CDH4: variants seen among roughly 807,000 people sequenced by gnomAD.
CDH4 encodes cadherin-4.
Under a neutral mutation model 86.0 loss-of-function variants are expected in CDH4, and 33 were observed. The observed-to-expected ratio is 0.38, with a 90% CI of 0.29 to 0.51. CDH4 has a LOEUF of 0.51. CDH4 is among the 20% of genes least tolerant of loss of function. CDH4 has a pLI of 0.86. For synonymous variants in CDH4, 555 were observed against 549.4 expected (o/e 1.01, Z -0.14); for missense variants, 1,114 against 1,307.4 (o/e 0.85, Z 2.28).
At chr20:61,783,249 C>A (rs1309255339) in intron 4 of CDH4, among the ~76,000 whole-genome samples, 1 of 152,238 alleles carries the variant, frequency 6.6e-6, no homozygotes, top group Non-Finnish European at 1.5e-5. Context: ...ACCCAACATT[C>A]TATCTGAACA....
chr20:61,500,781 C>T (rs1018035139), intron 2 of CDH4, among the ~76,000 whole-genome samples: 4 of 152,316 alleles, frequency 2.6e-5, no homozygotes, highest in East Asian at 1.9e-4. Context: ...ATATCGTTGG[C>T]GTGTCAAGTA....
intron 2 of CDH4, among the ~76,000 whole-genome samples, chr20:61,522,785 G>A (rs1468554861): frequency 6.6e-6 from 1 of 152,222 alleles, no homozygotes; most frequent in Non-Finnish European, 1.5e-5. Flanking sequence ...GTGCCGGTGT[G>A]GCCTTATTAT....
intron 4 of CDH4, among the ~76,000 whole-genome samples, chr20:61,808,335 G>T (rs1980247475): frequency 6.6e-6 from 1 of 151,608 alleles, no homozygotes; most frequent in South Asian, 2.1e-4. Flanking sequence ...AGCAACACCA[G>T]CTGCAAAAAT....
Position 61,736,986 on chromosome 20 carries a change from G to A in CDH4, c.170-6577G>A, listed in dbSNP as rs76871430. On this transcript the variant is annotated intron_variant, in intron 2 of 15. Transcript: ENST00000614565. ...CTGTGCTTTGCTCTACAGCTGCCAG[G>A]AGAAGGTCGAGGTGCAGGGGCTCGC... Among the ~76,000 whole-genome samples the A allele has an allele frequency of 9.9e-3, 1,514 of 152,300 alleles. 27 individuals carry two copies. The highest frequency in any genetic ancestry group is 0.035 in the African/African-American group (1,451 of 41,572).
chr20:61,315,107 C>T (rs1487781754), intron 2 of CDH4, among the ~76,000 whole-genome samples: 1 of 152,186 alleles, frequency 6.6e-6, no homozygotes, highest in Non-Finnish European at 1.5e-5. Context: ...CCATGCCAGA[C>T]TCCTCCTCCT....
chr20:61,552,619 G>A lies in CDH4; in HGVS notation c.170-190944G>A, dbSNP rs576041299. On this transcript the variant is annotated intron_variant, in intron 2 of 15. Coordinates refer to ENST00000614565, the MANE Select transcript of CDH4 (RefSeq NM_001794.5). The stretch of plus-strand genomic sequence containing the variant: ...GGAGGCTGAGGCAGGAGAATCACAT[G>A]AACATGGGAGGTGGAGGTTGCAGTG... Among the ~76,000 whole-genome samples, 13 of 152,282 alleles carry A rather than the reference G, an allele frequency of 8.5e-5. No individual in the cohort carries two copies. The East Asian group carries it at 2.3e-3, about 27-fold the overall frequency.
intron 2 of CDH4, among the ~76,000 whole-genome samples, chr20:61,624,948 T>C (rs1186371501): frequency 6.6e-6 from 1 of 152,222 alleles, no homozygotes; most frequent in Non-Finnish European, 1.5e-5. Flanking sequence ...AGCAGTTGAC[T>C]GGGGCCACAG....
rs1301771951 is a variant in CDH4 at position 61,393,752 on chromosome 20, A to T, written c.169+138815A>T. Among the ~76,000 whole-genome samples, 2 of 151,988 alleles carry T rather than the reference A, an allele frequency of 1.3e-5. No homozygotes were observed. Among genetic ancestry groups the T allele is most frequent in the African/African-American group, 4.8e-5 (2 of 41,364 alleles). On this transcript the variant is annotated intron_variant, in intron 2 of 15. Transcript: ENST00000614565. This position sits in a 1 kb window ranked among gnomAD's most constrained non-coding sequence, Gnocchi z 4.3. The stretch of plus-strand genomic sequence containing the variant: ...TGTAGCTGGCAGGGTTCTCATGAGG[A>T]TTACACGAGTCCTGGAGACCGTGCA...
At chr20:61,935,764 G>A (rs2055176062) in intron 15 of CDH4, among the ~76,000 whole-genome samples, 1 of 152,210 alleles carries the variant, frequency 6.6e-6, no homozygotes, top group African/African-American at 2.4e-5. Flanking sequence ...GCGGGCACCT[G>A]TAATCCCACT....
rs150440058 is a variant in CDH4, at chr20:61,621,652, G to C, written c.170-121911G>C. 2.6e-5 allele frequency among the ~76,000 whole-genome samples: 4 copies of C among 152,252 alleles called. No individual in the cohort carries two copies. In the East Asian group the frequency reaches 5.8e-4, roughly 22 times the overall value. On this transcript the variant is annotated intron_variant, in intron 2 of 15. Transcript: ENST00000614565. Reference sequence around the variant, plus strand: ...AGCTGCAGAGGGAAATATTATTCCAGAGCAAAGCACCCAACAGCTGGGCAT... The same window carrying C: ...AGCTGCAGAGGGAAATATTATTCCACAGCAAAGCACCCAACAGCTGGGCAT...
chr20:61,725,326 A>G (rs1220846676), intron 2 of CDH4, among the ~76,000 whole-genome samples: 3 of 152,198 alleles, frequency 2.0e-5, no homozygotes, highest in African/African-American at 7.2e-5. Context: ...CACACTGCAC[A>G]GTACACACGC....
intron 2 of CDH4, among the ~76,000 whole-genome samples, chr20:61,281,115 G>A (rs6071563): frequency 1.3e-5 from 2 of 152,004 alleles, no homozygotes; most frequent in African/African-American, 2.4e-5. Flanking sequence ...ACTGGAATTC[G>A]GGACAGCCCA....
intron 4 of CDH4, among the ~76,000 whole-genome samples, chr20:61,809,564 G>A (rs1161950967): frequency 6.6e-6 from 1 of 152,192 alleles, no homozygotes; most frequent in East Asian, 1.9e-4. Flanking sequence ...GTTCATGCTT[G>A]GAGGAGGGAA....
At chr20:61,630,697 T>C (rs924195914) in intron 2 of CDH4, among the ~76,000 whole-genome samples, 2 of 152,216 alleles carry the variant, frequency 1.3e-5, no homozygotes, top group African/African-American at 4.8e-5. Context: ...AAAGTTAGTG[T>C]TGGCAAGAAC....
chr20:61,704,517 C>T (rs1405297622), intron 2 of CDH4, among the ~76,000 whole-genome samples: 5 of 152,124 alleles, frequency 3.3e-5, no homozygotes, highest in African/African-American at 1.2e-4. Flanking sequence ...GCGGCTGGCC[C>T]TGAAGCCCCC....
intron 2 of CDH4, among the ~76,000 whole-genome samples, chr20:61,420,134 G>A (rs1169789520): frequency 6.6e-6 from 1 of 152,212 alleles, no homozygotes; most frequent in Non-Finnish European, 1.5e-5. Flanking sequence ...GCAAATCTGG[G>A]CTCTTACAAG....
intron 2 of CDH4, among the ~76,000 whole-genome samples, chr20:61,495,154 G>A (rs1257420470): frequency 1.3e-5 from 2 of 152,248 alleles, no homozygotes; most frequent in African/African-American, 4.8e-5. Flanking sequence ...GAGGTATGAG[G>A]ACCAGAAGGC....
intron 13 of CDH4, among the ~76,000 whole-genome samples, chr20:61,930,398 G>A (rs557726775): frequency 1.3e-5 from 2 of 152,206 alleles, no homozygotes; most frequent in African/African-American, 4.8e-5. Context: ...GCTGGCGGGG[G>A]GGCGGTGCCA....
intron 2 of CDH4, among the ~76,000 whole-genome samples, chr20:61,456,129 GGATA>G (rs1282431556): frequency 3.3e-5 from 5 of 152,146 alleles, no homozygotes; most frequent in Non-Finnish European, 4.4e-5. Flanking sequence ...GAGAGTGGAT[GGATA>G]GATAGGTAGG....
Sources: allele counts gnomAD v4.1 joint callset (sites outside exome capture counted in the v4.1 genomes callset), GRCh38; gene constraint gnomAD v4.1.1; non-coding constraint Gnocchi (gnomAD v3.1); transcripts MANE v1.5; gene names NCBI Gene and HGNC (gene_info 2026-07-23, HGNC 2026-07-21).